BLTP3B: variants seen among roughly 807,000 people sequenced by gnomAD.
BLTP3B encodes UHRF1 (ICBP90) binding protein 1-like.
the BLTP3B span, among the ~76,000 whole-genome samples, chr12:100,073,363 ATTT>A: frequency 6.4e-5 from 9 of 139,812 alleles, no homozygotes; most frequent in South Asian, 2.2e-4. Context: ...ACAGACACAG[ATTT>A]TTTTTTTTTT....
At chr12:100,109,719 T>C in the BLTP3B span, among the ~76,000 whole-genome samples, 16 of 151,186 alleles carry the variant, frequency 1.1e-4, no homozygotes, top group Middle Eastern at 6.8e-3. Context: ...TGAGCTGAGA[T>C]TGTGCCACTG....
the BLTP3B span, chr12:100,047,807 A>G: frequency 7.7e-6 from 9 of 1,163,108 alleles, no homozygotes; most frequent in African/African-American, 7.9e-5. Context: ...TCTCTACATC[A>G]TTTACCAAAA....
At chr12:100,059,907 A>T in the BLTP3B span, 1 of 1,612,734 alleles carries the variant, frequency 6.2e-7, no homozygotes, top group African/African-American at 1.3e-5. Flanking sequence ...TTGAATTGTC[A>T]TTCAACTTGT....
chr12:100,139,174 C>T, the BLTP3B span, among the ~76,000 whole-genome samples: 3 of 152,192 alleles, frequency 2.0e-5, no homozygotes, highest in Non-Finnish European at 4.4e-5. Context: ...TTATTAACAA[C>T]TGGAGAGATG....
chr12:100,042,367 C>G, the BLTP3B span, among the ~76,000 whole-genome samples: 3 of 152,010 alleles, frequency 2.0e-5, no homozygotes, highest in Non-Finnish European at 4.4e-5. Context: ...CTCACATGTT[C>G]CAATTTTAAA....
the BLTP3B span, among the ~76,000 whole-genome samples, chr12:100,130,982 G>GGAGGGAGAGAGAGA: frequency 6.4e-5 from 4 of 62,222 alleles, no homozygotes; most frequent in Admixed American, 3.8e-4. Flanking sequence ...AGAGAGGGAG[G>GGAGGGAGAGAGAGA]GAGAGAGAGA....
At chr12:100,107,517 C>T in the BLTP3B span, among the ~76,000 whole-genome samples, 970 of 150,740 alleles carry the variant, frequency 6.4e-3, 10 homozygotes, top group African/African-American at 0.022. Flanking sequence ...TGCCTGAAAT[C>T]CCAGCTACTT....
the BLTP3B span, among the ~76,000 whole-genome samples, chr12:100,070,542 C>G: frequency 2.0e-4 from 31 of 152,212 alleles, no homozygotes; most frequent in African/African-American, 7.5e-4. Flanking sequence ...CAGGCATGAG[C>G]CACTGCACCT....
chr12:100,048,071 T>C, the BLTP3B span: 9 of 1,613,384 alleles, frequency 5.6e-6, no homozygotes, highest in Admixed American at 1.2e-4. Flanking sequence ...AAGTTTTCTA[T>C]GTGGCACTGC....
At chr12:100,065,305 A>G in the BLTP3B span, among the ~76,000 whole-genome samples, 7 of 150,948 alleles carry the variant, frequency 4.6e-5, no homozygotes, top group Admixed American at 6.6e-5. Flanking sequence ...TGCACCTTGA[A>G]AAAAAAAAAC....
chr12:100,125,915 A>AT, the BLTP3B span, among the ~76,000 whole-genome samples: 1 of 152,228 alleles, frequency 6.6e-6, no homozygotes, highest in Non-Finnish European at 1.5e-5. Flanking sequence ...TACAATAAAA[A>AT]TGGCAACAGG....
At chr12:100,042,362 A>G in the BLTP3B span, among the ~76,000 whole-genome samples, 1 of 152,012 alleles carries the variant, frequency 6.6e-6, no homozygotes, top group Non-Finnish European at 1.5e-5. Flanking sequence ...GACGACTCAC[A>G]TGTTCCAATT....
At chr12:100,098,785 T>C in the BLTP3B span, among the ~76,000 whole-genome samples, 131 of 151,172 alleles carry the variant, frequency 8.7e-4, no homozygotes, top group African/African-American at 3.1e-3. Context: ...GGCACATGCC[T>C]GTAATTTCAG....
the BLTP3B span, among the ~76,000 whole-genome samples, chr12:100,133,050 T>C: frequency 1.3e-4 from 20 of 152,134 alleles, no homozygotes; most frequent in African/African-American, 4.8e-4. Flanking sequence ...GAGACCATCC[T>C]GGCTAACACG....
chr12:100,093,481 ATAAC>A, the BLTP3B span, among the ~76,000 whole-genome samples: 2 of 152,222 alleles, frequency 1.3e-5, no homozygotes, highest in African/African-American at 4.8e-5. Flanking sequence ...TGTGTTGAAA[ATAAC>A]TAAAAATCAT....
chr12:100,043,418 A>C, the BLTP3B span, among the ~76,000 whole-genome samples: 3 of 152,226 alleles, frequency 2.0e-5, no homozygotes, highest in African/African-American at 7.2e-5. Context: ...TGAACTCTCA[A>C]TTCAATTCAT....
At chr12:100,061,671 A>AG in the BLTP3B span, among the ~76,000 whole-genome samples, 2 of 151,766 alleles carry the variant, frequency 1.3e-5, no homozygotes, top group African/African-American at 2.4e-5. Context: ...AAAAAAAAAA[A>AG]AAAAAGAAAG....
At chr12:100,128,648 C>T in the BLTP3B span, 1 of 1,287,132 alleles carries the variant, frequency 7.8e-7, no homozygotes, top group East Asian at 5.6e-5. Flanking sequence ...GCCAGGGTTT[C>T]TTAGACTCCT....
the BLTP3B span, chr12:100,098,212 T>C: frequency 1.1e-6 from 1 of 881,382 alleles, no homozygotes; most frequent in Non-Finnish European, 1.7e-6. Flanking sequence ...AGTGAGACCC[T>C]GTCTCCCCGC....
Sources: allele counts gnomAD v4.1 joint callset (sites outside exome capture counted in the v4.1 genomes callset), GRCh38; gene constraint gnomAD v4.1.1; transcripts MANE v1.5; gene names NCBI Gene and HGNC (gene_info 2026-07-23, HGNC 2026-07-21).